SIPA1L2: variants seen among roughly 807,000 people sequenced by gnomAD.
SIPA1L2 encodes signal induced proliferation associated 1 like 2.
In SIPA1L2, 56 loss-of-function variants were observed where a neutral mutation model predicts 163.9. The ratio of observed to expected loss-of-function variants is 0.34; its 90% confidence interval spans 0.28 to 0.43. The LOEUF (loss-of-function observed/expected upper bound fraction) is 0.43. Ranked by LOEUF, SIPA1L2 falls within the 20% of genes least tolerant of loss-of-function variation. SIPA1L2 has a pLI of 1.00. For missense variants in SIPA1L2, 1,974 were observed against 2,193.5 expected (o/e 0.90, Z 2.00); for synonymous variants, 877 against 865.7 (o/e 1.01, Z -0.23).
At chr1:232,462,193 C>G (rs776136396) in intron 9 of SIPA1L2, 2 of 1,547,270 alleles carry the variant, frequency 1.3e-6, no homozygotes, top group Admixed American at 2.0e-5. Flanking sequence ...AAGCACTCAC[C>G]GAGCATAGTT....
intron 10 of SIPA1L2, 59 bp from the exon 11 acceptor site, chr1:232,445,845 C>A (rs182487077): frequency 7.0e-6 from 11 of 1,571,424 alleles, no homozygotes; most frequent in Middle Eastern, 4.0e-4. Flanking sequence ...GTCAGCATGG[C>A]TTACTCACAG....
chr1:232,557,431 T>C (rs376362456), intron 2 of SIPA1L2, among the ~76,000 whole-genome samples: 17 of 152,324 alleles, frequency 1.1e-4, no homozygotes, highest in African/African-American at 3.6e-4. Flanking sequence ...TGTGTGTTTC[T>C]TTCTATGCAA....
Position 232,428,513 on chromosome 1 carries a change from C to G in SIPA1L2, c.4308G>C (p.Val1436=). 6.3e-7 allele frequency: 1 copy of G among 1,595,920 alleles called. No individual in the cohort carries two copies. Among genetic ancestry groups the G allele is most frequent in the Non-Finnish European group, 8.5e-7 (1 of 1,172,724 alleles). The change falls in exon 17 of 23, where the codon GTG becomes GTC. Residue 1436 remains valine (V), a synonymous_variant. Transcript: ENST00000674635. ...VMSTATQHQT[V]VGDAVAETQH... ...GAGTCTCTGCAACAGCATCTCCCAC[C>G]ACTGTCTGATGCTGAGTTGCTGTGG...
intron 2 of SIPA1L2, among the ~76,000 whole-genome samples, chr1:232,531,763 T>G (rs991466708): frequency 1.8e-4 from 27 of 152,130 alleles, no homozygotes; most frequent in Middle Eastern, 3.4e-3. Context: ...ATCAGAAAGG[T>G]TGGGGACATG....
chr1:232,544,187 G>C (rs2253731), intron 2 of SIPA1L2, among the ~76,000 whole-genome samples: 15,775 of 151,812 alleles, frequency 0.1, 1,971 homozygotes, highest in African/African-American at 0.3. Context: ...AATAAGCATG[G>C]AACTACTCCC....
chr1:232,521,855 C>T (rs2103061663), intron 2 of SIPA1L2, among the ~76,000 whole-genome samples: 1 of 152,298 alleles, frequency 6.6e-6, no homozygotes, highest in East Asian at 1.9e-4. Flanking sequence ...CTCATAGTCT[C>T]ATATGCCATC....
intron 1 of SIPA1L2, among the ~76,000 whole-genome samples, chr1:232,608,054 A>AAAAAAAAAAAAAAC (rs1351454201): frequency 6.7e-6 from 1 of 150,022 alleles, no homozygotes; most frequent in Non-Finnish European, 1.5e-5. Flanking sequence ...TCTCAAAAAA[A>AAAAAAAAAAAAAAC]AAAAAAAAAA....
intron 16 of SIPA1L2, among the ~76,000 whole-genome samples, chr1:232,430,950 C>T (rs577125372): frequency 6.6e-6 from 1 of 152,152 alleles, no homozygotes; most frequent in African/African-American, 2.4e-5. Flanking sequence ...GAGACACAAA[C>T]CCCTTTCTCA....
At chr1:232,630,142 G>C (rs1197520356), upstream of SIPA1L2, among the ~76,000 whole-genome samples, 2 of 151,274 alleles carry the variant, frequency 1.3e-5, no homozygotes, top group East Asian at 1.9e-4. Flanking sequence ...CTGCCGCGCC[G>C]GCTCCCGATG....
Position 232,441,386 on chromosome 1 carries a change from A to G in SIPA1L2, c.3547T>C (p.Trp1183Arg). 6.2e-7 allele frequency: 1 copy of G among 1,602,048 alleles called. No individual in the cohort carries two copies. Among genetic ancestry groups the G allele is most frequent in the Non-Finnish European group, 8.5e-7 (1 of 1,177,254 alleles). The change falls in exon 14 of 23, where the codon TGG (tryptophan) becomes CGG (arginine). Residue 1183 changes from tryptophan (W) to arginine (R), a missense_variant. Trp to Arg is a moderately radical substitution (Grantham distance 101). Coordinates refer to ENST00000674635, the MANE Select transcript of SIPA1L2 (RefSeq NM_020808.5). ...AGGACTTTGGAAGGTGGGCCATGCCATTTGGTTTCTGTCACATAAAAAGAG... is the reference window on the plus strand; with the variant it reads ...AGGACTTTGGAAGGTGGGCCATGCCGTTTGGTTTCTGTCACATAAAAAGAG... ...MEASRHPETK[W>R]HGPPSKVLGS...
intron 1 of SIPA1L2, among the ~76,000 whole-genome samples, chr1:232,585,264 A>T (rs7520013): frequency 6.6e-6 from 1 of 152,236 alleles, no homozygotes; most frequent in Non-Finnish European, 1.5e-5. Context: ...AGAACCAAAG[A>T]TGACAGTTCT....
Position 232,448,109 on chromosome 1 carries a change from T to C in SIPA1L2, c.3096-2323A>G, listed in dbSNP as rs61347834. ...GGTCACAGGCTAGACAGCTTTCCCA[T>C]GTGCTCAAGCGATTACTCAGGTACT... On this transcript the variant is annotated intron_variant, in intron 10 of 22. Transcript: ENST00000674635. Among the ~76,000 whole-genome samples, 1,451 of 152,308 alleles carry C rather than the reference T, an allele frequency of 9.5e-3. 27 individuals carry two copies. Among genetic ancestry groups the C allele is most frequent in the African/African-American group, 0.033 (1,374 of 41,546 alleles).
intron 2 of SIPA1L2, among the ~76,000 whole-genome samples, chr1:232,533,444 C>T (rs73095189): frequency 0.012 from 1,765 of 152,234 alleles, 16 homozygotes; most frequent in Middle Eastern, 0.037. Flanking sequence ...CACCACTGGG[C>T]GGGGCAATGA....
chr1:232,406,889 C>A (rs1332395131), intron 19 of SIPA1L2, among the ~76,000 whole-genome samples: 1 of 152,202 alleles, frequency 6.6e-6, no homozygotes, highest in Admixed American at 6.5e-5. Context: ...TTTGTTAGAA[C>A]TGCAAACTAA....
At chr1:232,404,274 G>A (rs1660518004) in intron 19 of SIPA1L2, 96 bp from the exon 20 acceptor site, 2 of 1,056,500 alleles carry the variant, frequency 1.9e-6, no homozygotes, top group Non-Finnish European at 2.9e-6. Flanking sequence ...GAAGTAGTGT[G>A]TGTGTGTGAT....
rs745537354 is a variant in SIPA1L2, at chr1:232,415,490, T to G, written c.4762+4A>C. 2.5e-6 allele frequency: 4 copies of G among 1,607,132 alleles called. No homozygotes were observed. Among genetic ancestry groups the G allele is most frequent in the Non-Finnish European group, 3.4e-6 (4 of 1,177,174 alleles). On this transcript the variant is annotated splice_donor_region_variant and intron_variant, in intron 19 of 22. Transcript: ENST00000674635. Reference sequence around the variant, plus strand: ...GGTGAGGCCAGAGGCTGGTGAGTCTTTACCTTCAAATGCCCGTGCAGCATC... The same window carrying G: ...GGTGAGGCCAGAGGCTGGTGAGTCTGTACCTTCAAATGCCCGTGCAGCATC...
intron 2 of SIPA1L2, among the ~76,000 whole-genome samples, chr1:232,545,071 G>A (rs1004907837): frequency 6.6e-6 from 1 of 152,196 alleles, no homozygotes; most frequent in Non-Finnish European, 1.5e-5. Flanking sequence ...AGAAGTACCA[G>A]AGGAGCCAAC....
At chr1:232,562,536 T>C (rs1211961396) in intron 2 of SIPA1L2, among the ~76,000 whole-genome samples, 6 of 152,234 alleles carry the variant, frequency 3.9e-5, no homozygotes, top group Admixed American at 3.9e-4. Context: ...TGTGGACACA[T>C]TAAAGGCATC....
At chr1:232,586,176 G>A (rs923256464) in intron 1 of SIPA1L2, among the ~76,000 whole-genome samples, 12 of 152,078 alleles carry the variant, frequency 7.9e-5, no homozygotes, top group Non-Finnish European at 1.2e-4. Flanking sequence ...GTTTGCACAG[G>A]GGATTCTGCC....
Sources: allele counts gnomAD v4.1 joint callset (sites outside exome capture counted in the v4.1 genomes callset), GRCh38; gene constraint gnomAD v4.1.1; transcripts MANE v1.5; gene names NCBI Gene and HGNC (gene_info 2026-07-23, HGNC 2026-07-21).